The following TTC6 variants were observed in gnomAD, a reference collection of about 807,000 sequenced individuals.
TTC6 encodes the protein tetratricopeptide repeat protein 6.
In TTC6, 172 loss-of-function variants were observed where a neutral mutation model predicts 210.4. The observed-to-expected ratio is 0.82, with a 90% CI of 0.72 to 0.93. The LOEUF is 0.93. Ranked by LOEUF, TTC6 falls within the 40% of genes least tolerant of loss-of-function variation. The probability of loss-of-function intolerance (pLI) is 0.00; values close to 1 mark genes in which losing one functional copy is unlikely to be tolerated. For missense variants in TTC6, 2,414 were observed against 2,318.1 expected (o/e 1.04, Z -0.85); for synonymous variants, 804 against 819.6 (o/e 0.98, Z 0.32).
chr14:37,618,471 A>T (rs773304916), upstream of TTC6, among the ~76,000 whole-genome samples: 5 of 152,244 alleles, frequency 3.3e-5, no homozygotes, highest in Admixed American at 6.5e-5. Flanking sequence ...ATGTAGATGA[A>T]TACTTTTTCC....
chr14:37,758,884 G>A (rs1272517920), intron 14 of TTC6, among the ~76,000 whole-genome samples: 1 of 152,108 alleles, frequency 6.6e-6, no homozygotes, highest in African/African-American at 2.4e-5. Flanking sequence ...AGGCCTGGTG[G>A]TGACAAAATC....
intron 20 of TTC6, 60 bp from the exon 23 acceptor site, chr14:37,804,620 G>A (rs145633990): frequency 0.014 from 22,836 of 1,580,620 alleles, 212 homozygotes; most frequent in Non-Finnish European, 0.016. Flanking sequence ...AGGCTGTAAC[G>A]TTAAATCAAT....
intron 29 of TTC6, among the ~76,000 whole-genome samples, chr14:37,831,372 TTC>T (rs2096184670): frequency 6.6e-6 from 1 of 152,170 alleles, no homozygotes; most frequent in African/African-American, 2.4e-5. Context: ...TTGTGAATAG[TTC>T]TGGGCAAACC....
chr14:37,692,596 C>T (rs2095805960), intron 3 of TTC6, among the ~76,000 whole-genome samples: 1 of 152,078 alleles, frequency 6.6e-6, no homozygotes, highest in Non-Finnish European at 1.5e-5. Flanking sequence ...TGGTGGCTCA[C>T]ACCTGTAATC....
intron 12 of TTC6, among the ~76,000 whole-genome samples, chr14:37,750,100 G>A (rs2095947368): frequency 6.6e-6 from 1 of 152,034 alleles, no homozygotes; most frequent in Non-Finnish European, 1.5e-5. Context: ...ATCTCACAAC[G>A]AAAGAATATG....
chr14:37,733,314 CT>C (rs1228579522), intron 7 of TTC6, among the ~76,000 whole-genome samples: 3 of 151,716 alleles, frequency 2.0e-5, no homozygotes, highest in African/African-American at 7.3e-5. Flanking sequence ...TTTGGCTTTT[CT>C]TTTTTTTCCT....
upstream of TTC6, among the ~76,000 whole-genome samples, chr14:37,620,534 G>A (rs925387236): frequency 6.6e-6 from 1 of 152,084 alleles, no homozygotes; most frequent in African/African-American, 2.4e-5. Flanking sequence ...AGGTAAGTGT[G>A]CCACAGAACC....
chr14:37,808,870 A>G, intron 24 of TTC6, 24 bp downstream of exon 26: 1 of 1,222,944 alleles, frequency 8.2e-7, no homozygotes, highest in Non-Finnish European at 1.2e-6. Flanking sequence ...TTTAGTAAAC[A>G]ATGTGTTTAA....
At chr14:37,838,785 A>G (rs527296744) in intron 29 of TTC6, among the ~76,000 whole-genome samples, 19 of 152,120 alleles carry the variant, frequency 1.2e-4, no homozygotes, top group Non-Finnish European at 2.5e-4. Flanking sequence ...ACACCCATCG[A>G]CGCATCATTT....
chr14:37,701,304 G>C, intron 4 of TTC6, 28 bp from the exon 7 acceptor site: 1 of 1,345,552 alleles, frequency 7.4e-7, no homozygotes, highest in Non-Finnish European at 9.5e-7. Flanking sequence ...AATGATGAAA[G>C]GAGCTCACTT....
At chr14:37,723,692 T>C (rs1453516576) in intron 6 of TTC6, among the ~76,000 whole-genome samples, 2 of 152,178 alleles carry the variant, frequency 1.3e-5, no homozygotes, top group Admixed American at 6.5e-5. Flanking sequence ...ATGTGCACAG[T>C]TCCTTTTGCC....
intron 2 of TTC6, 55 bp from the exon 5 acceptor site, chr14:37,682,703 G>A: frequency 3.5e-6 from 5 of 1,446,476 alleles, no homozygotes; most frequent in African/African-American, 1.4e-5. Context: ...TCACTGAAAA[G>A]CCTAGAAGGA....
At chr14:37,763,717 A>G (rs1033273349) in intron 14 of TTC6, among the ~76,000 whole-genome samples, 1 of 152,048 alleles carries the variant, frequency 6.6e-6, no homozygotes, top group Admixed American at 6.5e-5. Flanking sequence ...GGTCTAGCTA[A>G]GGAATTGTCA....
rs1273028187 is a variant in TTC6 at position 37,622,566 on chromosome 14, G to A, written c.502G>A (p.Glu168Lys). The change falls in exon 1 of 31, where the codon GAG (glutamate) becomes AAG (lysine). Residue 168 changes from glutamate (E) to lysine (K), a missense_variant. Physicochemically the swap from Glu to Lys is moderately conservative, Grantham distance 56. Coordinates refer to ENST00000553443, the Ensembl canonical transcript of TTC6. ...GAAGCGCAGAGCGCGCGGGGTCTTG[G>A]AGAGCTCGCGGCACGCGGCTCCCAG... 7.8e-6 allele frequency: 12 copies of A among 1,534,320 alleles called. No individual in the cohort carries two copies. In the Admixed American group the frequency reaches 2.2e-4, roughly 28 times the overall value.
intron 9 of TTC6, 144 bp from the exon 12 acceptor site, chr14:37,738,632 T>A (rs534762662): frequency 1.4e-6 from 1 of 728,318 alleles, no homozygotes; most frequent in East Asian, 3.0e-5. Flanking sequence ...GACTTTTGAA[T>A]AATTTTAAGA....
At chr14:37,616,832 A>G (rs1338283717) in intron 2 of TTC6, among the ~76,000 whole-genome samples, 1 of 152,066 alleles carries the variant, frequency 6.6e-6, no homozygotes, top group Non-Finnish European at 1.5e-5. Flanking sequence ...CAAAAGTACA[A>G]TGACCATTAA....
intron 1 of TTC6, among the ~76,000 whole-genome samples, chr14:37,665,914 C>T (rs1414978971): frequency 6.6e-6 from 1 of 150,540 alleles, no homozygotes; most frequent in East Asian, 1.9e-4. Context: ...CTCTCATGCA[C>T]ACACCAGAGC....
At chr14:37,797,699 TA>T (rs1341915562) in intron 20 of TTC6, among the ~76,000 whole-genome samples, 1 of 151,962 alleles carries the variant, frequency 6.6e-6, no homozygotes, top group Non-Finnish European at 1.5e-5. Context: ...CAGGGCGTCT[TA>T]AAAAATACCT....
intron 14 of TTC6, among the ~76,000 whole-genome samples, chr14:37,776,043 C>CTTTTT (rs1163694975): frequency 4.6e-4 from 12 of 26,296 alleles, no homozygotes; most frequent in Admixed American, 6.5e-4. Flanking sequence ...GGTCTTGATT[C>CTTTTT]TTTTTTTTTT....
Sources: allele counts gnomAD v4.1 joint callset (sites outside exome capture counted in the v4.1 genomes callset), GRCh38; gene constraint gnomAD v4.1.1; transcripts MANE v1.5; gene names NCBI Gene and HGNC (gene_info 2026-07-23, HGNC 2026-07-21).